DAP: variants seen among roughly 807,000 people sequenced by gnomAD.
The protein encoded by DAP is death associated protein.
A neutral mutation model predicts 13.8 loss-of-function variants in DAP; 8 were observed. That is an observed-to-expected ratio of 0.58 (90% CI 0.34 to 1.05). The LOEUF (loss-of-function observed/expected upper bound fraction) is 1.05. Among genes scored for constraint, DAP ranks in the 50% least tolerant of loss-of-function variants. The pLI, the probability that DAP is intolerant of heterozygous loss-of-function variation, is 0.03. For missense variants in DAP, 106 were observed against 133.2 expected (o/e 0.80, Z 1.01); for synonymous variants, 47 against 47.5 (o/e 0.99, Z 0.04).
intron 2 of DAP, among the ~76,000 whole-genome samples, chr5:10,746,916 G>A (rs950290139): frequency 6.6e-6 from 1 of 152,202 alleles, no homozygotes; most frequent in African/African-American, 2.4e-5. Flanking sequence ...TATCCATTTG[G>A]AAGCCTAGCC....
At chr5:10,723,214 A>T (rs1250701352) in intron 2 of DAP, among the ~76,000 whole-genome samples, 1 of 152,228 alleles carries the variant, frequency 6.6e-6, no homozygotes, top group African/African-American at 2.4e-5. Flanking sequence ...ACAAACTCAC[A>T]CTGATAGAAA....
intron 2 of DAP, chr5:10,734,179 C>G (rs994274333): frequency 6.6e-6 from 1 of 152,238 alleles, no homozygotes; most frequent in African/African-American, 2.4e-5. Context: ...GAACTGATAG[C>G]CCCATTTCCT....
intron 1 of DAP, among the ~76,000 whole-genome samples, chr5:10,755,563 G>A (rs1579825188): frequency 6.6e-6 from 1 of 152,148 alleles, no homozygotes; most frequent in Non-Finnish European, 1.5e-5. Flanking sequence ...ATACAGCAAG[G>A]GGTGTCTGGG....
In DAP at chr5:10,688,690, A is replaced by G. The variant is rs183547679; in HGVS notation, c.153-5119T>C. On this transcript the variant is annotated intron_variant, in intron 2 of 3. Coordinates refer to ENST00000230895, the MANE Select transcript of DAP (RefSeq NM_004394.3). ...ACACACACACAACTACTGTCCCATCACAACTGCTGAATGGCCATGGAGACT... is the reference window on the plus strand; with the variant it reads ...ACACACACACAACTACTGTCCCATCGCAACTGCTGAATGGCCATGGAGACT... 8.6e-4 allele frequency among the ~76,000 whole-genome samples: 130 copies of G among 151,834 alleles called. No individual in the cohort carries two copies. The South Asian group carries it at 0.021, about 24-fold the overall frequency.
chr5:10,689,847 G>GCTGA (rs1213906622), intron 2 of DAP, among the ~76,000 whole-genome samples: 1 of 152,186 alleles, frequency 6.6e-6, no homozygotes. Flanking sequence ...CACCCTGAGG[G>GCTGA]CTGACTCCGA....
rs1392706857 is a variant in DAP, at chr5:10,679,767, T to A, written c.*1289A>T. The A allele has an allele frequency of 6.6e-6, 1 of 152,398 alleles. No homozygotes were observed. The allele number at this position is 152,398 out of a possible 1,614,324, so 9.4% of individuals were successfully genotyped here. ...GGCGCTGGGTCTGACCAGGTCTGCC[T>A]CTGCCCTCACCAGCTGGCAGACGTG... On this transcript the variant is annotated 3_prime_UTR_variant, in exon 4 of 4. Coordinates refer to ENST00000230895, the MANE Select transcript of DAP (RefSeq NM_004394.3).
At chr5:10,746,457 G>A (rs183326484) in intron 2 of DAP, among the ~76,000 whole-genome samples, 15 of 151,912 alleles carry the variant, frequency 9.9e-5, no homozygotes, top group African/African-American at 3.6e-4. Context: ...AGCCTCCTGA[G>A]TAGCTGGGAT....
chr5:10,751,098 T>C (rs571595845), intron 1 of DAP, among the ~76,000 whole-genome samples: 2 of 152,332 alleles, frequency 1.3e-5, no homozygotes, highest in African/African-American at 2.4e-5. Context: ...GGTTTCCCTC[T>C]TCCACCTTTC....
Position 10,680,870 on chromosome 5 carries a change from A to T in DAP, c.*186T>A. 6.5e-7 allele frequency: 1 copy of T among 1,536,988 alleles called. No homozygotes were observed. The highest frequency in any genetic ancestry group is 1.7e-4 in the Middle Eastern group (1 of 5,992). The stretch of plus-strand genomic sequence containing the variant: ...TGACATCCAACCAGACTCCCCATAA[A>T]CAAGGTTTGGGCTGGAGCTGTTTCT... On this transcript the variant is annotated 3_prime_UTR_variant, in exon 4 of 4. Coordinates refer to ENST00000230895, the MANE Select transcript of DAP (RefSeq NM_004394.3).
At chr5:10,688,598 C>A (rs1231273651) in intron 2 of DAP, among the ~76,000 whole-genome samples, 3 of 152,104 alleles carry the variant, frequency 2.0e-5, no homozygotes, top group Non-Finnish European at 2.9e-5. Context: ...GAAACGCAGA[C>A]AAGCAAAACA....
At chr5:10,717,132 G>T (rs1739010550) in intron 2 of DAP, among the ~76,000 whole-genome samples, 1 of 152,180 alleles carries the variant, frequency 6.6e-6, no homozygotes, top group Non-Finnish European at 1.5e-5. Context: ...GCAGCTTGTT[G>T]GTTGCTCCCA....
intron 2 of DAP, among the ~76,000 whole-genome samples, chr5:10,724,215 G>C (rs1739226962): frequency 6.6e-6 from 1 of 152,180 alleles, no homozygotes; most frequent in African/African-American, 2.4e-5. Flanking sequence ...AAGGAATGCA[G>C]ATGGCCTCAG....
intron 2 of DAP, among the ~76,000 whole-genome samples, chr5:10,706,913 C>T (rs564506133): frequency 5.9e-5 from 9 of 152,296 alleles, no homozygotes; most frequent in African/African-American, 1.2e-4. Flanking sequence ...ATGAACAACA[C>T]GAACATCCTG....
chr5:10,688,198 G>A (rs1305836615), intron 2 of DAP, among the ~76,000 whole-genome samples: 3 of 151,998 alleles, frequency 2.0e-5, no homozygotes, highest in Admixed American at 6.6e-5. Flanking sequence ...TTGCAGGCAT[G>A]AGCCATCACA....
chr5:10,704,844 G>A (rs1175230205), intron 2 of DAP, among the ~76,000 whole-genome samples: 3 of 152,118 alleles, frequency 2.0e-5, no homozygotes, highest in Non-Finnish European at 1.5e-5. Context: ...TCATACAGGT[G>A]AGAAAGCAGC....
chr5:10,741,733 C>G lies in DAP; in HGVS notation c.152+6442G>C, dbSNP rs891297309. The stretch of plus-strand genomic sequence containing the variant: ...CTACTTGCTAAAATTTATTTGTAAC[C>G]CCAAAATCAAACACACGTAGCACCT... On this transcript the variant is annotated intron_variant, in intron 2 of 3. Transcript: ENST00000230895. Among the ~76,000 whole-genome samples the G allele has an allele frequency of 3.3e-5, 5 of 152,200 alleles. 1 individual carries two copies. The highest frequency in any genetic ancestry group is 1.9e-4 in the East Asian group (1 of 5,178).
chr5:10,686,075 C>T (rs934979187), intron 2 of DAP, among the ~76,000 whole-genome samples: 1 of 152,206 alleles, frequency 6.6e-6, no homozygotes, highest in African/African-American at 2.4e-5. Flanking sequence ...ATGTCTGTTA[C>T]AGTGATCTGT....
intron 2 of DAP, among the ~76,000 whole-genome samples, chr5:10,740,861 T>C (rs1739736613): frequency 6.6e-6 from 1 of 152,250 alleles, no homozygotes; most frequent in Non-Finnish European, 1.5e-5. Context: ...ACATTAGATG[T>C]GCATAATGAA....
chr5:10,713,419 C>A (rs769223992), intron 2 of DAP, among the ~76,000 whole-genome samples: 1 of 152,090 alleles, frequency 6.6e-6, no homozygotes, highest in Non-Finnish European at 1.5e-5. Flanking sequence ...ATTTTCAAGC[C>A]CAGGAGGAGC....
Sources: gnomAD v4.1 joint callset for allele counts (sites outside exome capture counted in the v4.1 genomes callset) on GRCh38, gnomAD v4.1.1 for gene constraint, MANE v1.5 for transcripts, NCBI Gene and HGNC (gene_info 2026-07-23, HGNC 2026-07-21) for gene names.